Variants in PGS1 observed in about 807,000 individuals in gnomAD.
PGS1 encodes phosphatidylglycerophosphate synthase 1, also known as CDP-diacylglycerol--glycerol-3-phosphate 3-phosphatidyltransferase, mitochondrial.
PGS1 carries 44 observed loss-of-function variants against 58.3 expected under a neutral mutation model. The observed-to-expected ratio is 0.75, with a 90% CI of 0.59 to 0.97. The LOEUF is 0.97. Among genes scored for constraint, PGS1 ranks in the 50% least tolerant of loss-of-function variants. The probability of loss-of-function intolerance (pLI) is 0.00; values close to 1 mark genes in which losing one functional copy is unlikely to be tolerated. For missense variants in PGS1, 684 were observed against 731.1 expected (o/e 0.94, Z 0.74); for synonymous variants, 330 against 311.0 (o/e 1.06, Z -0.64).
chr17:78,422,817 C>T lies in PGS1; in HGVS notation c.*11-1244C>T, dbSNP rs78997948. Among the ~76,000 whole-genome samples, 168 of 152,228 alleles carry T rather than the reference C, an allele frequency of 1.1e-3. 1 individual carries two copies. The East Asian group carries it at 0.014, about 12-fold the overall frequency. On this transcript the variant is annotated intron_variant, in intron 9 of 9. Coordinates refer to ENST00000262764, the MANE Select transcript of PGS1 (RefSeq NM_024419.5). Reference sequence around the variant, plus strand: ...TTGAAGCCTGAGAAATGTTGAGGGCCGGGCACAGTGGTTGACACCTGTAAT... The same window carrying T: ...TTGAAGCCTGAGAAATGTTGAGGGCTGGGCACAGTGGTTGACACCTGTAAT...
At chr17:78,423,298 C>T (rs1407796361) in intron 9 of PGS1, among the ~76,000 whole-genome samples, 1 of 152,126 alleles carries the variant, frequency 6.6e-6, no homozygotes, top group African/African-American at 2.4e-5. Context: ...TCCTACAGGT[C>T]CGGGGCTTGC....
chr17:78,392,469 T>A lies in PGS1; in HGVS notation c.144-7T>A, dbSNP rs200097336. ...GGTGTGACCCAGTTGCATATTTCTT[T>A]AACCAGGTCACCATGGCTGTTATTG... On this transcript the variant is annotated splice_polypyrimidine_tract_variant and splice_region_variant and intron_variant, in intron 1 of 9. Coordinates refer to ENST00000262764, the MANE Select transcript of PGS1 (RefSeq NM_024419.5). 7 of 1,603,308 alleles carry A rather than the reference T, an allele frequency of 4.4e-6. No individual in the cohort carries two copies. The highest frequency in any genetic ancestry group is 6.0e-6 in the Non-Finnish European group (7 of 1,174,736).
intron 1 of PGS1, among the ~76,000 whole-genome samples, chr17:78,387,380 A>C (rs1189013515): frequency 5.5e-5 from 8 of 145,636 alleles, no homozygotes; most frequent in Non-Finnish European, 1.2e-4. Context: ...GCTCACTGCA[A>C]CCTCCGCCTC....
At chr17:78,423,052 T>G (rs1394609503) in intron 9 of PGS1, among the ~76,000 whole-genome samples, 1 of 151,148 alleles carries the variant, frequency 6.6e-6, no homozygotes, top group Non-Finnish European at 1.5e-5. Flanking sequence ...GAGCCGAGAT[T>G]GCGTCATTGC....
At position 78,389,296 on chromosome 17, in the gene PGS1, C is replaced by T. The variant is rs1416033603; in HGVS notation, c.144-3180C>T. Among the ~76,000 whole-genome samples the T allele has an allele frequency of 2.3e-4, 35 of 151,874 alleles. 1 individual carries two copies. Among genetic ancestry groups the T allele is most frequent in the Admixed American group, 2.3e-3 (35 of 15,242 alleles). On this transcript the variant is annotated intron_variant, in intron 1 of 9. Coordinates refer to ENST00000262764, the MANE Select transcript of PGS1 (RefSeq NM_024419.5). ...CCGCCTCCCAGTTCGAGTGATTCTT[C>T]TGCCTCAGCCTCCTGAGTAGCTGGG...
At chr17:78,412,298 T>C (rs1165458683) in intron 7 of PGS1, among the ~76,000 whole-genome samples, 3 of 152,012 alleles carry the variant, frequency 2.0e-5, no homozygotes, top group Non-Finnish European at 4.4e-5. Context: ...GTGCAAATAA[T>C]TCTGGCGGGG....
chr17:78,381,266 A>G (rs1166644635), intron 1 of PGS1, among the ~76,000 whole-genome samples: 1 of 152,154 alleles, frequency 6.6e-6, no homozygotes, highest in Non-Finnish European at 1.5e-5. Context: ...TTCATCCTTC[A>G]TTAAGCTGAG....
chr17:78,386,713 A>C (rs1461430560), intron 1 of PGS1, among the ~76,000 whole-genome samples: 1 of 152,162 alleles, frequency 6.6e-6, no homozygotes, highest in Non-Finnish European at 1.5e-5. Flanking sequence ...GAGCTTGCGC[A>C]GGTGGTCAGC....
intron 7 of PGS1, among the ~76,000 whole-genome samples, chr17:78,413,603 C>G (rs1447185888): frequency 1.3e-5 from 2 of 152,232 alleles, no homozygotes; most frequent in African/African-American, 4.8e-5. Context: ...CACCTGCTCA[C>G]ACTGACATCA....
chr17:78,406,248 G>A (rs536205889), intron 7 of PGS1, among the ~76,000 whole-genome samples: 5 of 152,276 alleles, frequency 3.3e-5, no homozygotes, highest in African/African-American at 1.2e-4. Context: ...AACCCGGGAG[G>A]TGGAGCTTGC....
At position 78,392,590 on chromosome 17, in the gene PGS1, G is replaced by A. The variant is rs370308498; in HGVS notation, c.258G>A (p.Leu86=). 14 of 1,614,074 alleles carry A rather than the reference G, an allele frequency of 8.7e-6. No individual in the cohort carries two copies. The African/African-American group carries it at 1.1e-4, about 12-fold the overall frequency. Residue 86 remains leucine (L), a synonymous_variant, in exon 2 of 10, where the codon CTG becomes CTA. Transcript: ENST00000262764. The stretch of plus-strand genomic sequence containing the variant: ...ACCGGTTCCAGTGGATCAGAAACCT[G>A]GTTCCAGAATTTGGAGTCTCCAGTT... ...GVHRFQWIRN[L]VPEFGVSSSH...
chr17:78,413,633 G>A (rs1174933916), intron 7 of PGS1, among the ~76,000 whole-genome samples: 1 of 152,234 alleles, frequency 6.6e-6, no homozygotes. Context: ...CATTCTTGGT[G>A]CTGGTGAAGG....
At chr17:78,420,364 G>A (rs992504150) in intron 9 of PGS1, 12 of 356,022 alleles carry the variant, frequency 3.4e-5, no homozygotes, top group Non-Finnish European at 3.5e-5. Context: ...TCCGGGCAGG[G>A]GGTGGCTGCC....
chr17:78,381,921 C>A lies in PGS1; in HGVS notation c.143+3113C>A, dbSNP rs117905267. Among the ~76,000 whole-genome samples, 1,057 of 152,300 alleles carry A rather than the reference C, an allele frequency of 6.9e-3. 26 individuals are homozygous for A. The highest frequency in any genetic ancestry group is 0.048 in the Admixed American group (727 of 15,288). On this transcript the variant is annotated intron_variant, in intron 1 of 9. Transcript: ENST00000262764. The stretch of plus-strand genomic sequence containing the variant: ...TTCATCATGTGTGTATTGAGCACTG[C>A]TGTGCTGTGCTAGGTACTCAGGAAG...
intron 9 of PGS1, chr17:78,420,298 C>G (rs2085597094): frequency 2.3e-6 from 2 of 868,376 alleles, no homozygotes; most frequent in Non-Finnish European, 2.8e-6. Flanking sequence ...ACCAGAGGCA[C>G]CAGTGGGGTC....
intron 2 of PGS1, among the ~76,000 whole-genome samples, chr17:78,395,700 G>A (rs1407546799): frequency 2.6e-5 from 4 of 152,148 alleles, no homozygotes; most frequent in African/African-American, 7.2e-5. Context: ...AGAGTGATTC[G>A]TGCCCAGTAT....
chr17:78,391,165 C>T (rs1394994440), intron 1 of PGS1, among the ~76,000 whole-genome samples: 4 of 152,228 alleles, frequency 2.6e-5, no homozygotes, highest in East Asian at 3.9e-4. Flanking sequence ...CTAGGCTTAT[C>T]TTGAACTACT....
At chr17:78,404,466 G>A (rs987754821) in intron 7 of PGS1, among the ~76,000 whole-genome samples, 1 of 151,926 alleles carries the variant, frequency 6.6e-6, no homozygotes, top group Non-Finnish European at 1.5e-5. Flanking sequence ...TTTTTGTAGA[G>A]ATGGGATTTT....
At chr17:78,401,379 C>T (rs1277531174) in intron 6 of PGS1, among the ~76,000 whole-genome samples, 1 of 152,244 alleles carries the variant, frequency 6.6e-6, no homozygotes, top group Non-Finnish European at 1.5e-5. Flanking sequence ...TGGCTCCCAG[C>T]TCCCTTGAGC....
Sources: allele counts gnomAD v4.1 joint callset (sites outside exome capture counted in the v4.1 genomes callset), GRCh38; gene constraint gnomAD v4.1.1; transcripts MANE v1.5; gene names NCBI Gene and HGNC (gene_info 2026-07-23, HGNC 2026-07-21).